EPHA3: variants seen among roughly 807,000 people sequenced by gnomAD.
The protein encoded by EPHA3 is EPH receptor A3, also known as ephrin type-A receptor 3.
EPHA3 carries 42 observed loss-of-function variants against 107.1 expected under a neutral mutation model. That is an observed-to-expected ratio of 0.39 (90% CI 0.31 to 0.51). The LOEUF (loss-of-function observed/expected upper bound fraction) is 0.51, where lower values mean the gene tolerates loss of function less well. EPHA3 is among the 20% of genes least tolerant of loss of function. EPHA3 has a pLI of 0.78. For synonymous variants in EPHA3, 461 were observed against 424.8 expected (o/e 1.09, Z -1.05); for missense variants, 1,183 against 1,211.2 (o/e 0.98, Z 0.35).
intron 1 of EPHA3, among the ~76,000 whole-genome samples, chr3:89,115,006 C>A (rs1707219604): frequency 6.6e-6 from 1 of 152,146 alleles, no homozygotes; most frequent in Non-Finnish European, 1.5e-5. Context: ...AGTGGCGTGT[C>A]TCTTTTCCAT....
At chr3:89,258,737 C>T (rs1221118207) in intron 3 of EPHA3, among the ~76,000 whole-genome samples, 2 of 152,114 alleles carry the variant, frequency 1.3e-5, no homozygotes, top group East Asian at 3.9e-4. Flanking sequence ...TGCTCAAAAT[C>T]TTCCAAAGGA....
intron 2 of EPHA3, among the ~76,000 whole-genome samples, chr3:89,204,449 G>T (rs761350544): frequency 6.0e-5 from 9 of 150,546 alleles, no homozygotes; most frequent in Non-Finnish European, 8.8e-5. Flanking sequence ...CTGACTCCTC[G>T]GCCACAAATG....
intron 1 of EPHA3, among the ~76,000 whole-genome samples, chr3:89,126,241 C>T (rs1204447929): frequency 1.3e-5 from 2 of 151,656 alleles, no homozygotes; most frequent in Non-Finnish European, 3.0e-5. Flanking sequence ...TCACATCCTC[C>T]ATTAGTCAAT....
At chr3:89,342,580 T>C (rs760850203) in intron 5 of EPHA3, among the ~76,000 whole-genome samples, 5 of 152,190 alleles carry the variant, frequency 3.3e-5, no homozygotes, top group South Asian at 2.1e-4. Context: ...AGATTACTTA[T>C]GGATTTTACT....
chr3:89,306,467 G>A (rs1706625176), intron 3 of EPHA3, among the ~76,000 whole-genome samples: 1 of 152,010 alleles, frequency 6.6e-6, no homozygotes, highest in Non-Finnish European at 1.5e-5. Flanking sequence ...GTTAACAGTG[G>A]CTTTCAGAAA....
intron 2 of EPHA3, among the ~76,000 whole-genome samples, chr3:89,182,183 T>C (rs1705456784): frequency 6.6e-6 from 1 of 151,994 alleles, no homozygotes; most frequent in Non-Finnish European, 1.5e-5. Context: ...ATACCACTCT[T>C]TATTTCCTAT....
chr3:89,460,452 T>C (rs1360953120), intron 15 of EPHA3, among the ~76,000 whole-genome samples: 2 of 152,118 alleles, frequency 1.3e-5, no homozygotes, highest in South Asian at 2.1e-4. Flanking sequence ...TTTTTAAATA[T>C]ATTGTTTCAT....
chr3:89,239,273 T>A (rs1704839205), intron 3 of EPHA3, among the ~76,000 whole-genome samples: 1 of 152,204 alleles, frequency 6.6e-6, no homozygotes, highest in African/African-American at 2.4e-5. Flanking sequence ...TGAAAGCAAT[T>A]CATGTAAATA....
chr3:89,122,550 T>G (rs573365563), intron 1 of EPHA3, among the ~76,000 whole-genome samples: 1 of 152,010 alleles, frequency 6.6e-6, no homozygotes, highest in Non-Finnish European at 1.5e-5. Context: ...AGTAAAAAAC[T>G]GTGGCATTTA....
chr3:89,371,108 A>T (rs946746859), intron 5 of EPHA3, among the ~76,000 whole-genome samples: 3 of 151,726 alleles, frequency 2.0e-5, no homozygotes, highest in Non-Finnish European at 4.4e-5. Context: ...TCAGCTTTGT[A>T]TAGTCATTAT....
At chr3:89,109,865 G>A (rs750752893) in intron 1 of EPHA3, among the ~76,000 whole-genome samples, 8 of 151,902 alleles carry the variant, frequency 5.3e-5, no homozygotes, top group Non-Finnish European at 1.0e-4. Context: ...GTGTCCTATG[G>A]GTAGTGTCTC....
intron 13 of EPHA3, among the ~76,000 whole-genome samples, chr3:89,432,572 T>C (rs994932693): frequency 3.9e-5 from 6 of 152,140 alleles, no homozygotes; most frequent in African/African-American, 1.4e-4. Context: ...CCCCAGCTAA[T>C]TTTTAAGTTT....
intron 10 of EPHA3, among the ~76,000 whole-genome samples, chr3:89,415,492 AAGCTAATTCTCT>A (rs1709229664): frequency 6.8e-6 from 1 of 146,260 alleles, no homozygotes; most frequent in Non-Finnish European, 1.5e-5. Flanking sequence ...ATATATATAT[AAGCTAATTCTCT>A]TAAATTTCTG....
At chr3:89,455,305 G>A (rs1335579568) in intron 15 of EPHA3, among the ~76,000 whole-genome samples, 1 of 152,114 alleles carries the variant, frequency 6.6e-6, no homozygotes, top group Non-Finnish European at 1.5e-5. Flanking sequence ...AGCCAGCTGT[G>A]TAACCTCCTC....
chr3:89,304,742 C>T (rs1706571929), intron 3 of EPHA3, among the ~76,000 whole-genome samples: 2 of 152,012 alleles, frequency 1.3e-5, no homozygotes, highest in Admixed American at 6.6e-5. Context: ...TTATTATGTT[C>T]ATGATAGTTT....
chr3:89,402,841 C>A (rs1708991972), intron 7 of EPHA3, among the ~76,000 whole-genome samples: 1 of 152,086 alleles, frequency 6.6e-6, no homozygotes, highest in African/African-American at 2.4e-5. Flanking sequence ...CAATGCCCAG[C>A]TAATTTTGGC....
chr3:89,110,010 A>C lies in EPHA3; in HGVS notation c.88+2174A>C, dbSNP rs1354232903. Among the ~76,000 whole-genome samples the C allele has an allele frequency of 2.0e-5, 3 of 152,096 alleles. No homozygotes were observed. The East Asian group carries it at 5.8e-4, about 29-fold the overall frequency. ...TGAGTTGAATAACATGAAAAGTGAAAATGCCAAGTATGTGCCAAGATTTCC... is the reference window on the plus strand; with the variant it reads ...TGAGTTGAATAACATGAAAAGTGAACATGCCAAGTATGTGCCAAGATTTCC... On this transcript the variant is annotated intron_variant, in intron 1 of 16. Coordinates refer to ENST00000336596, the MANE Select transcript of EPHA3 (RefSeq NM_005233.6).
At chr3:89,401,754 C>T (rs1708968573) in intron 7 of EPHA3, among the ~76,000 whole-genome samples, 2 of 152,070 alleles carry the variant, frequency 1.3e-5, no homozygotes, top group Admixed American at 6.6e-5. Flanking sequence ...ACTACAGGCT[C>T]ATGTGCCCAC....
chr3:89,316,263 C>A (rs1576307273), intron 3 of EPHA3, among the ~76,000 whole-genome samples: 1 of 151,406 alleles, frequency 6.6e-6, no homozygotes, highest in African/African-American at 2.4e-5. Flanking sequence ...GTCTCTCTGG[C>A]ACTATTTCCC....
Sources: allele counts gnomAD v4.1 joint callset (sites outside exome capture counted in the v4.1 genomes callset), GRCh38; gene constraint gnomAD v4.1.1; transcripts MANE v1.5; gene names NCBI Gene and HGNC (gene_info 2026-07-23, HGNC 2026-07-21).